Variants in KAZN observed in about 807,000 individuals in gnomAD.
KAZN encodes the protein kazrin, periplakin interacting protein, also known as kazrin.
Under a neutral mutation model 87.4 loss-of-function variants are expected in KAZN, and 40 were observed. That is an observed-to-expected ratio of 0.46 (90% confidence interval 0.36 to 0.60). KAZN has a LOEUF of 0.60. Ranked by LOEUF, KAZN falls within the 20% of genes least tolerant of loss-of-function variation. KAZN has a pLI of 0.00. For synonymous variants in KAZN, 466 were observed against 458.3 expected, an observed-to-expected ratio of 1.02 and a Z score of -0.22; for missense variants, 898 against 1,073.9, an observed-to-expected ratio of 0.84 and a Z score of 2.29.
intron 1 of KAZN, among the ~76,000 whole-genome samples, chr1:14,007,885 G>A (rs756003950): frequency 9.2e-5 from 14 of 152,152 alleles, no homozygotes; most frequent in Non-Finnish European, 1.8e-4. Context: ...GGATTCAAGC[G>A]TCCTAGGTTT....
At chr1:14,227,738 G>A (rs1467728831) in intron 2 of KAZN, among the ~76,000 whole-genome samples, 1 of 152,160 alleles carries the variant, frequency 6.6e-6, no homozygotes, top group East Asian at 1.9e-4. Context: ...AACCACCACA[G>A]TGACTGGCTC....
intron 2 of KAZN, among the ~76,000 whole-genome samples, chr1:14,279,400 C>A (rs1015855022): frequency 1.3e-5 from 2 of 152,142 alleles, no homozygotes; most frequent in African/African-American, 2.4e-5. Context: ...TAATTGCTCC[C>A]AAATTGAACT....
intron 2 of KAZN, among the ~76,000 whole-genome samples, chr1:14,320,383 A>G (rs764293558): frequency 2.6e-5 from 4 of 152,132 alleles, no homozygotes; most frequent in Non-Finnish European, 5.9e-5. Context: ...GGATTCTTAT[A>G]CACAAACAGA....
chr1:14,883,117 G>A (rs1353932075), intron 1 of KAZN, among the ~76,000 whole-genome samples: 1 of 151,712 alleles, frequency 6.6e-6, no homozygotes, highest in Non-Finnish European at 1.5e-5. Flanking sequence ...CCAACATGGA[G>A]AAACCCCATC....
At chr1:14,266,630 A>G (rs1295852542) in intron 2 of KAZN, among the ~76,000 whole-genome samples, 1 of 152,224 alleles carries the variant, frequency 6.6e-6, no homozygotes, top group African/African-American at 2.4e-5. Flanking sequence ...TTCAGGGTCA[A>G]TGGTAGTCAC....
At chr1:14,562,060 C>T (rs1228995942) in intron 2 of KAZN, among the ~76,000 whole-genome samples, 1 of 152,162 alleles carries the variant, frequency 6.6e-6, no homozygotes, top group African/African-American at 2.4e-5. Context: ...CACAGAATTA[C>T]TTACCAGGCA....
chr1:14,128,604 A>G lies in KAZN; in HGVS notation c.92-51831A>G, dbSNP rs1018759694. 9.2e-5 allele frequency among the ~76,000 whole-genome samples: 14 copies of G among 152,212 alleles called. 2 individuals are homozygous for G. In the South Asian group the frequency reaches 1.7e-3, roughly 18 times the overall value. Reference sequence around the variant, plus strand: ...TCCTCTTCTCAGAAGTACGCCAATCATATTGGATTAGGGATCACCCAAACA... The same window carrying G: ...TCCTCTTCTCAGAAGTACGCCAATCGTATTGGATTAGGGATCACCCAAACA... On this transcript the variant is annotated intron_variant, in intron 1 of 16. Coordinates refer to the KAZN transcript ENST00000636203.
chr1:13,906,601 C>T (rs1192352875), intron 1 of KAZN, among the ~76,000 whole-genome samples: 3 of 152,172 alleles, frequency 2.0e-5, no homozygotes, highest in African/African-American at 4.8e-5. Flanking sequence ...GTGTGATCGA[C>T]CTTGGTTTAC....
At chr1:14,986,649 C>A (rs1329326191) in intron 2 of KAZN, among the ~76,000 whole-genome samples, 1 of 151,998 alleles carries the variant, frequency 6.6e-6, no homozygotes, top group African/African-American at 2.4e-5. Context: ...TGATGAGGCT[C>A]AAAAGAACCA....
rs2100999426 is a variant in KAZN, at chr1:14,856,135, T to C, written c.227-104549T>C. 6.6e-6 allele frequency among the ~76,000 whole-genome samples: 1 copy of C among 152,300 alleles called. No individual in the cohort carries two copies. Among genetic ancestry groups the C allele is most frequent in the Admixed American group, 6.5e-5 (1 of 15,292 alleles). On this transcript the variant is annotated intron_variant, in intron 1 of 14. Coordinates refer to ENST00000376030, the MANE Select transcript of KAZN (RefSeq NM_201628.3). The surrounding 1 kb of genome is among the most constrained non-coding windows in gnomAD (Gnocchi z 5.2). ...TAGTAGTTATTGCAAGGGTCTGTGC[T>C]ATAAAATCAGACTCTGAGGGTGGTC...
chr1:14,570,434 G>T (rs150508964), intron 2 of KAZN, among the ~76,000 whole-genome samples: 1 of 152,024 alleles, frequency 6.6e-6, no homozygotes, highest in South Asian at 2.1e-4. Context: ...ACCACTGATC[G>T]ACTTTCTGTG....
intron 1 of KAZN, among the ~76,000 whole-genome samples, chr1:14,108,014 A>G (rs1298092871): frequency 3.3e-5 from 5 of 152,014 alleles, no homozygotes; most frequent in African/African-American, 1.2e-4. Flanking sequence ...GAATTTCAGA[A>G]TCTATCTATC....
intron 1 of KAZN, among the ~76,000 whole-genome samples, chr1:14,166,336 A>G (rs1645826679): frequency 1.3e-5 from 2 of 151,782 alleles, no homozygotes; most frequent in Non-Finnish European, 2.9e-5. Context: ...TAAATAAATA[A>G]CATGAAGTCA....
intron 2 of KAZN, among the ~76,000 whole-genome samples, chr1:14,183,080 G>C (rs1344187330): frequency 1.3e-5 from 2 of 152,144 alleles, no homozygotes; most frequent in South Asian, 4.1e-4. Context: ...CAGGCAAAAA[G>C]TGTTCCACAG....
chr1:13,929,052 T>C lies in KAZN; in HGVS notation c.91+35296T>C, dbSNP rs1277957884. 1.6e-4 allele frequency among the ~76,000 whole-genome samples: 18 copies of C among 113,194 alleles called. No homozygotes were observed. In the East Asian group the frequency reaches 5.5e-3, roughly 34 times the overall value. The allele number at this position is 113,194 out of a possible 152,430, so 74.3% of individuals were successfully genotyped here. The stretch of plus-strand genomic sequence containing the variant: ...GGTCTAGTTCAGCTTCAAGGCTTTT[T>C]TTTTTTTTTTTTTTTTTTAAGAGAC... On this transcript the variant is annotated intron_variant, in intron 1 of 16. Transcript: ENST00000636203.
At chr1:14,502,861 T>C (rs1670335446) in intron 2 of KAZN, among the ~76,000 whole-genome samples, 1 of 152,188 alleles carries the variant, frequency 6.6e-6, no homozygotes, top group African/African-American at 2.4e-5. Flanking sequence ...ATCCCTATTT[T>C]ATGAACACCC....
In KAZN at chr1:13,930,057, C is replaced by G. The variant is rs138989399; in HGVS notation, c.91+36301C>G. ...CTACTGCTTCCTTATTTCCCCTTCT[C>G]TGTATATTATATAGCCACACTGTTT... On this transcript the variant is annotated intron_variant, in intron 1 of 16. Coordinates refer to the KAZN transcript ENST00000636203. 6.6e-5 allele frequency among the ~76,000 whole-genome samples: 10 copies of G among 152,246 alleles called. No homozygotes were observed. In the East Asian group the frequency reaches 1.7e-3, roughly 26 times the overall value.
At chr1:14,513,640 A>C (rs983966094) in intron 2 of KAZN, among the ~76,000 whole-genome samples, 25 of 152,334 alleles carry the variant, frequency 1.6e-4, no homozygotes, top group African/African-American at 5.8e-4. Context: ...AACATGCCCT[A>C]AATGCCGGAT....
chr1:14,224,583 G>C (rs764500746), intron 2 of KAZN, among the ~76,000 whole-genome samples: 7 of 152,146 alleles, frequency 4.6e-5, no homozygotes, highest in Non-Finnish European at 8.8e-5. Context: ...GCCCATACAG[G>C]TTAGTACTAA....
Sources: allele counts gnomAD v4.1 joint callset (sites outside exome capture counted in the v4.1 genomes callset), GRCh38; gene constraint gnomAD v4.1.1; non-coding constraint Gnocchi (gnomAD v3.1); transcripts MANE v1.5; gene names NCBI Gene and HGNC (gene_info 2026-07-23, HGNC 2026-07-21).